GANC: variants seen among roughly 807,000 people sequenced by gnomAD.
GANC encodes neutral alpha-glucosidase C.
GANC carries 117 observed loss-of-function variants against 124.2 expected under a neutral mutation model. The ratio of observed to expected loss-of-function variants is 0.94; its 90% CI spans 0.81 to 1.10. The LOEUF is 1.10. Among genes scored for constraint, GANC ranks in the 50% least tolerant of loss-of-function variants. The pLI, the probability that GANC is intolerant of heterozygous loss-of-function variation, is 0.00. For synonymous variants in GANC, 377 were observed against 376.8 expected, an observed-to-expected ratio of 1.00 and a Z score of -0.01; for missense variants, 1,140 against 1,095.0, an observed-to-expected ratio of 1.04 and a Z score of -0.58.
At chr15:42,345,675 G>A in intron 19 of GANC, 83 bp from the exon 20 acceptor site, 4 of 735,354 alleles carry the variant, frequency 5.4e-6, no homozygotes, top group South Asian at 3.5e-5. Flanking sequence ...TGAAATCCAG[G>A]TAAGTGGATA....
intron 9 of GANC, 71 bp from the exon 10 acceptor site, chr15:42,310,622 T>C (rs2052041587): frequency 6.4e-6 from 10 of 1,560,740 alleles, no homozygotes; most frequent in Non-Finnish European, 8.7e-6. Context: ...GATCAGACTG[T>C]TACTTATATG....
chr15:42,293,725 T>C (rs1171902744), intron 5 of GANC, among the ~76,000 whole-genome samples: 3 of 151,618 alleles, frequency 2.0e-5, no homozygotes, highest in Non-Finnish European at 4.4e-5. Flanking sequence ...AGAACAAATA[T>C]CTGTGTACCC....
Position 42,321,804 on chromosome 15 carries a change from T to C in GANC, c.1077T>C (p.Pro359=), listed in dbSNP as rs769899871. 6.2e-7 allele frequency: 1 copy of C among 1,614,198 alleles called. No homozygotes were observed. The highest frequency in any genetic ancestry group is 1.3e-5 in the African/African-American group (1 of 75,060). Residue 359 remains proline (P), a synonymous_variant, in exon 11 of 24, where the codon CCT becomes CCC. Transcript: ENST00000318010. ...TTTTAGGCACACAAGCCATGCCCCCTCTTTTCTCTTTGGGATACCACCAGT... is the reference window on the plus strand; with the variant it reads ...TTTTAGGCACACAAGCCATGCCCCCCCTTTTCTCTTTGGGATACCACCAGT... ...SHLTGTQAMP[P]LFSLGYHQCR...
intron 10 of GANC, chr15:42,313,999 G>A: frequency 1.6e-6 from 1 of 637,610 alleles, no homozygotes; most frequent in Non-Finnish European, 2.8e-6. Flanking sequence ...ATAGTGACAT[G>A]GAAAAAATAC....
At position 42,274,495 on chromosome 15, in the gene GANC, T is replaced by C. The variant is rs747924882; in HGVS notation, c.14T>C (p.Val5Ala). 3 of 1,610,676 alleles carry C rather than the reference T, an allele frequency of 1.9e-6. No homozygotes were observed. Among genetic ancestry groups the C allele is most frequent in the Non-Finnish European group, 2.5e-6 (3 of 1,178,714 alleles). ...GACAGAGAAGCCATGGAAGCAGCAG[T>C]GAAAGAGGAAATAAGGTAAAGGCCA... MEAA[V>A]KEEISLEDEA... The change falls in exon 1 of 24, where the codon GTG (valine) becomes GCG (alanine). Residue 5 changes from valine (V) to alanine (A), a missense_variant. Val to Ala is a moderately conservative substitution (Grantham distance 64, BLOSUM62 0). Transcript: ENST00000318010.
At chr15:42,297,763 G>C in intron 6 of GANC, 107 bp downstream of exon 6, 1 of 690,092 alleles carries the variant, frequency 1.4e-6, no homozygotes, top group South Asian at 2.3e-5. Context: ...CTTGTTAAAT[G>C]ATCGACTGCA....
chr15:42,327,518 T>A, intron 13 of GANC, 76 bp downstream of exon 13: 2 of 1,183,300 alleles, frequency 1.7e-6, no homozygotes, highest in Non-Finnish European at 2.5e-6. Context: ...TGAATAAAAC[T>A]ATTCTTTTTC....
In GANC at chr15:42,342,531, G is replaced by C. The variant is rs142875756; in HGVS notation, c.2153-547G>C. ...CAGGAGTTAGAGGTTGCAGTAAGCT[G>C]TGATTGCACTGCTGCACTCCCACTT... On this transcript the variant is annotated intron_variant, in intron 18 of 23. Coordinates refer to ENST00000318010, the MANE Select transcript of GANC (RefSeq NM_198141.3). Among the ~76,000 whole-genome samples the C allele has an allele frequency of 5.3e-5, 8 of 152,098 alleles. No homozygotes were observed. The East Asian group carries it at 5.8e-4, about 11-fold the overall frequency.
At chr15:42,281,140 G>T (rs1014602014) in intron 3 of GANC, 2 of 702,228 alleles carry the variant, frequency 2.8e-6, no homozygotes, top group Non-Finnish European at 5.2e-6. Flanking sequence ...TCAGGTATTA[G>T]AAATATCAGA....
rs1302119631 is a variant in GANC, at chr15:42,352,775, T to G, written c.*636T>G. 1 of 952,520 alleles carries G rather than the reference T, an allele frequency of 1.0e-6. No homozygotes were observed. The highest frequency in any genetic ancestry group is 1.8e-5 in the African/African-American group (1 of 56,552). 59.0% of individuals were successfully genotyped at this position (952,520 alleles called of 1,614,324 possible). On this transcript the variant is annotated 3_prime_UTR_variant, in exon 24 of 24. Coordinates refer to ENST00000318010, the MANE Select transcript of GANC (RefSeq NM_198141.3). ...CTTAAAATCCATGTCTTTTACATTG[T>G]TTTTTTAATTAAGTGCTGTTTACTA... is the stretch of plus-strand genomic sequence containing the variant.
intron 15 of GANC, among the ~76,000 whole-genome samples, chr15:42,332,932 C>A (rs1595781277): frequency 6.7e-6 from 1 of 148,754 alleles, no homozygotes; most frequent in South Asian, 2.1e-4. Context: ...GCAGGAGAAT[C>A]GCTTGAACCT....
At chr15:42,314,167 A>T in intron 10 of GANC, 3 of 761,990 alleles carry the variant, frequency 3.9e-6, no homozygotes, top group Middle Eastern at 4.5e-4. Context: ...TTCAGATTGG[A>T]TATGGGATTG....
rs1037040590 is a variant in GANC at position 42,352,550 on chromosome 15, G to A, written c.*411G>A. On this transcript the variant is annotated 3_prime_UTR_variant, in exon 24 of 24. Coordinates refer to ENST00000318010, the MANE Select transcript of GANC (RefSeq NM_198141.3). ...TGGCTGCAGCAGCTGAGTTGCTCAA[G>A]GCCAGTGTCCAAGTGGACAGCAGCC... 9.8e-7 allele frequency: 1 copy of A among 1,024,702 alleles called. No homozygotes were observed. Among genetic ancestry groups the A allele is most frequent in the East Asian group, 8.7e-5 (1 of 11,458 alleles). 63.5% of individuals were successfully genotyped at this position (1,024,702 alleles called of 1,614,324 possible). A position where few individuals can be genotyped will look rare whatever the true frequency, so the allele number is the denominator to read the frequency against.
chr15:42,276,451 G>T, intron 2 of GANC, 41 bp downstream of exon 2: 1 of 907,300 alleles, frequency 1.1e-6, no homozygotes, highest in South Asian at 1.4e-5. Context: ...AAACATCTCT[G>T]ACAGTATTTC....
At chr15:42,306,407 A>C in intron 6 of GANC, 139 bp from the exon 7 acceptor site, 1 of 648,216 alleles carries the variant, frequency 1.5e-6, no homozygotes, top group Non-Finnish European at 2.7e-6. Flanking sequence ...AAAGGTACTG[A>C]CGTCACACAC....
At chr15:42,331,518 C>G (rs936962728) in intron 15 of GANC, among the ~76,000 whole-genome samples, 45 of 152,160 alleles carry the variant, frequency 3.0e-4, no homozygotes, top group Admixed American at 2.9e-3. Context: ...GCATAAGCAA[C>G]GGAGAGCTTA....
intron 11 of GANC, among the ~76,000 whole-genome samples, chr15:42,323,601 C>T (rs1226709053): frequency 6.6e-6 from 1 of 152,064 alleles, no homozygotes; most frequent in South Asian, 2.1e-4. Flanking sequence ...CTCCTGGGTT[C>T]ATGCAATTCT....
At chr15:42,343,286 T>G (rs190183421) in intron 19 of GANC, 132 bp downstream of exon 19, 8 of 746,128 alleles carry the variant, frequency 1.1e-5, no homozygotes, top group Non-Finnish European at 1.8e-5. Flanking sequence ...ATTATTATAA[T>G]AAGTCATGAC....
chr15:42,281,152 C>T (rs1337752121), intron 3 of GANC: 2 of 700,846 alleles, frequency 2.9e-6, no homozygotes, highest in South Asian at 1.5e-5. Context: ...AATATCAGAA[C>T]CACATAGGGA....
Sources: gnomAD v4.1 joint callset for allele counts (sites outside exome capture counted in the v4.1 genomes callset) on GRCh38, gnomAD v4.1.1 for gene constraint, MANE v1.5 for transcripts, NCBI Gene and HGNC (gene_info 2026-07-23, HGNC 2026-07-21) for gene names.